The following SAXO3 variants were observed in gnomAD, a reference collection of about 807,000 sequenced individuals.
SAXO3 encodes CTB-60B18.10.
the SAXO3 span, chr19:49,018,790 T>A: frequency 8.2e-7 from 1 of 1,217,284 alleles, no homozygotes; most frequent in South Asian, 1.3e-5. Context: ...GCTCAGGGAA[T>A]GGGAGCCAGC....
chr19:49,018,200 A>C, the SAXO3 span: 1 of 483,248 alleles, frequency 2.1e-6, no homozygotes, highest in East Asian at 3.5e-5. Context: ...GACGCGCGGC[A>C]CGCGGACCCG....
At chr19:49,018,642 C>T in the SAXO3 span, among the ~76,000 whole-genome samples, 3 of 152,018 alleles carry the variant, frequency 2.0e-5, no homozygotes, top group Non-Finnish European at 2.9e-5. Flanking sequence ...CCCCTCGAGC[C>T]GCTGTGCAGG....
At chr19:49,018,976 G>C in the SAXO3 span, 18 of 1,533,550 alleles carry the variant, frequency 1.2e-5, no homozygotes, top group Non-Finnish European at 1.6e-5. Flanking sequence ...GACAGCTCGG[G>C]GTTCTTCGTC....
At chr19:49,018,228 G>A in the SAXO3 span, 11,232 of 685,140 alleles carry the variant, frequency 0.016, 98 homozygotes, top group Non-Finnish European at 0.019. Context: ...CGGGGCGGCC[G>A]GGAGGAGCGC....
the SAXO3 span, chr19:49,019,828 A>G: frequency 7.9e-7 from 1 of 1,268,260 alleles, no homozygotes; most frequent in East Asian, 2.9e-5. Flanking sequence ...GGCGACCCAG[A>G]GACTCACGTG....
the SAXO3 span, chr19:49,020,421 G>A: frequency 5.0e-6 from 2 of 399,300 alleles, no homozygotes; most frequent in East Asian, 3.6e-5. Context: ...AATGCGGTGG[G>A]AAAAGTAGCT....
chr19:49,018,441 T>C, the SAXO3 span: 14 of 715,974 alleles, frequency 2.0e-5, no homozygotes, highest in Non-Finnish European at 2.7e-5. Flanking sequence ...CTCCTGCATT[T>C]CCAGGCGAGC....
chr19:49,018,026 G>A, the SAXO3 span: 9 of 398,596 alleles, frequency 2.3e-5, no homozygotes, highest in Admixed American at 3.5e-4. Context: ...GTAGGCTTTC[G>A]GCACGCTGTA....
chr19:49,020,477 A>G, the SAXO3 span: 5 of 399,128 alleles, frequency 1.3e-5, no homozygotes, highest in East Asian at 1.4e-4. Flanking sequence ...CCTCGGTTGC[A>G]GAGATACGAC....
chr19:49,019,518 G>A, the SAXO3 span: 39 of 1,167,650 alleles, frequency 3.3e-5, no homozygotes, highest in African/African-American at 5.9e-4. Flanking sequence ...CCCCTCCCCC[G>A]GCTCCTCTAA....
At chr19:49,020,029 C>T in the SAXO3 span, 1 of 1,462,810 alleles carries the variant, frequency 6.8e-7, no homozygotes, top group Non-Finnish European at 8.9e-7. Flanking sequence ...AGGTTGTCTC[C>T]CATCTGCTGA....
At chr19:49,020,372 C>T in the SAXO3 span, 1 of 404,638 alleles carries the variant, frequency 2.5e-6, no homozygotes, top group South Asian at 1.1e-4. Flanking sequence ...AGGGTCCGCT[C>T]ACCTGCACCG....
At chr19:49,019,507 G>T in the SAXO3 span, 1 of 1,179,422 alleles carries the variant, frequency 8.5e-7, no homozygotes, top group Non-Finnish European at 1.1e-6. Context: ...CTAATGCCCA[G>T]CCCCTCCCCC....
chr19:49,019,501 T>TG, the SAXO3 span: 684,194 of 1,180,516 alleles, frequency 0.58, 202,754 homozygotes, highest in Admixed American at 0.66. Context: ...CCTGGCCTAA[T>TG]GCCCAGCCCC....
At chr19:49,018,237 G>T in the SAXO3 span, 2 of 767,496 alleles carry the variant, frequency 2.6e-6, no homozygotes, top group Non-Finnish European at 3.5e-6. Context: ...CGGGAGGAGC[G>T]CGGACAGGGC....
the SAXO3 span, chr19:49,020,182 C>T: frequency 1.9e-6 from 1 of 516,778 alleles, no homozygotes; most frequent in African/African-American, 2.0e-5. Context: ...AAACTCTGAC[C>T]TCTTCCAGTC....
chr19:49,019,618 C>G, the SAXO3 span: 5 of 1,258,594 alleles, frequency 4.0e-6, no homozygotes, highest in Non-Finnish European at 5.0e-6. Context: ...TCCGCCCCGT[C>G]TCGCCGGCGC....
At chr19:49,020,532 C>G in the SAXO3 span, 1 of 398,654 alleles carries the variant, frequency 2.5e-6, no homozygotes, top group Admixed American at 4.4e-5. Flanking sequence ...ACCCCCACTC[C>G]GTAGCCAAGC....
chr19:49,020,016 C>A, the SAXO3 span: 1 of 1,474,270 alleles, frequency 6.8e-7, no homozygotes, highest in Non-Finnish European at 8.9e-7. Context: ...TAGGCCGAGC[C>A]AGAGGTTGTC....
Sources: allele counts gnomAD v4.1 joint callset (sites outside exome capture counted in the v4.1 genomes callset), GRCh38; gene constraint gnomAD v4.1.1; transcripts MANE v1.5; gene names NCBI Gene and HGNC (gene_info 2026-07-23, HGNC 2026-07-21).